Variants in SIPA1L3 observed in about 807,000 individuals in gnomAD.
SIPA1L3 encodes signal induced proliferation associated 1 like 3.
SIPA1L3 carries 59 observed loss-of-function variants against 150.1 expected under a neutral mutation model. The observed-to-expected ratio is 0.39, with a 90% CI of 0.32 to 0.49. SIPA1L3 has a LOEUF of 0.49. Among genes scored for constraint, SIPA1L3 ranks in the 20% least tolerant of loss-of-function variants. The pLI is 0.86. For synonymous variants in SIPA1L3, 1,070 were observed against 1,077.6 expected (o/e 0.99, Z 0.14); for missense variants, 2,211 against 2,489.5 (o/e 0.89, Z 2.38).
intron 8 of SIPA1L3, among the ~76,000 whole-genome samples, chr19:38,111,916 C>T (rs1970758152): frequency 6.6e-6 from 1 of 151,846 alleles, no homozygotes. Flanking sequence ...CACATGCATG[C>T]ACGCATCCGT....
Position 38,188,179 on chromosome 19 carries a change from T to G in SIPA1L3, c.4431-3966T>G, listed in dbSNP as rs530243390. On this transcript the variant is annotated intron_variant, in intron 16 of 21. Coordinates refer to ENST00000222345, the MANE Select transcript of SIPA1L3 (RefSeq NM_015073.3). ...TTTTAGATTAAACATGTTTTGTTGT[T>G]GTGGTGGTGGTGGTGGTGGTGGTGG... Among the ~76,000 whole-genome samples the G allele has an allele frequency of 1.7e-3, 259 of 151,296 alleles. 1 individual carries two copies. Among genetic ancestry groups the G allele is most frequent in the East Asian group, 0.017 (87 of 5,150 alleles).
chr19:37,926,298 G>A (rs1263509617), intron 1 of SIPA1L3, among the ~76,000 whole-genome samples: 5 of 152,152 alleles, frequency 3.3e-5, no homozygotes, highest in South Asian at 2.1e-4. Flanking sequence ...CCTACTTGTG[G>A]CCTCAAACCA....
At chr19:37,951,439 AG>A (rs2046762910) in intron 1 of SIPA1L3, among the ~76,000 whole-genome samples, 1 of 152,234 alleles carries the variant, frequency 6.6e-6, no homozygotes, top group Non-Finnish European at 1.5e-5. Flanking sequence ...TCATGTGCAC[AG>A]CTTTGAGTGT....
chr19:37,969,054 G>T (rs1303709582), intron 1 of SIPA1L3, among the ~76,000 whole-genome samples: 1 of 152,118 alleles, frequency 6.6e-6, no homozygotes, highest in Admixed American at 6.5e-5. Context: ...TCTCTAATAT[G>T]CTCCAGTGCT....
chr19:38,106,949 G>T (rs1970636423), intron 7 of SIPA1L3, among the ~76,000 whole-genome samples: 1 of 152,208 alleles, frequency 6.6e-6, no homozygotes, highest in Non-Finnish European at 1.5e-5. Flanking sequence ...TATTTTGACT[G>T]CAAGTAACAG....
chr19:38,029,305 A>G (rs1346988256), intron 2 of SIPA1L3, 149 bp downstream of exon 2: 2 of 152,196 alleles, frequency 1.3e-5, no homozygotes, highest in Non-Finnish European at 1.5e-5. Flanking sequence ...CGTCTACCCC[A>G]GAGGTAATTA....
At position 38,082,679 on chromosome 19, in the gene SIPA1L3, G is replaced by A; in HGVS notation, c.1114G>A (p.Ala372Thr). Reference sequence around the variant, plus strand: ...GCAGCGGCGGAACACCACCACGGGTGCTTCGGCCGCTTCCGCCGCCTCGGC... The same window carrying A: ...GCAGCGGCGGAACACCACCACGGGTACTTCGGCCGCTTCCGCCGCCTCGGC... ...VSQRRNTTTGASAASAASAMA... is the reference protein window; with the variant it reads ...VSQRRNTTTGTSAASAASAMA... Residue 372 changes from alanine (A) to threonine (T), a missense_variant, in exon 3 of 22, where the codon GCT (alanine) becomes ACT (threonine). Around this residue, in one of 5 missense-constraint regions of SIPA1L3, gnomAD observed 587 missense variants for 534.5 expected, o/e 1.10. Transcript: ENST00000222345. 1 of 1,608,660 alleles carries A rather than the reference G, an allele frequency of 6.2e-7. No homozygotes were observed. Among genetic ancestry groups the A allele is most frequent in the Non-Finnish European group, 8.5e-7 (1 of 1,179,012 alleles).
chr19:38,106,754 A>G, intron 7 of SIPA1L3, 114 bp downstream of exon 7: 1 of 701,268 alleles, frequency 1.4e-6, no homozygotes, highest in South Asian at 1.7e-5. Flanking sequence ...CTTGGAGGCC[A>G]TCTTTACTAT....
At chr19:38,008,370 G>A (rs902979219) in intron 1 of SIPA1L3, among the ~76,000 whole-genome samples, 3 of 151,784 alleles carry the variant, frequency 2.0e-5, no homozygotes, top group Non-Finnish European at 4.4e-5. Context: ...TGGGACTACA[G>A]GCACCTGCCA....
rs1972820608 is a variant in SIPA1L3 at position 38,192,227 on chromosome 19, A to G, written c.4513A>G (p.Asn1505Asp). The change falls in exon 17 of 22, where the codon AAC becomes GAC. Residue 1505 changes from asparagine to aspartate, a missense_variant. Physicochemically the swap from Asn to Asp is conservative, Grantham distance 23 (BLOSUM62 1). Around this residue, in one of 5 missense-constraint regions of SIPA1L3, gnomAD observed 806 missense variants for 870.1 expected, o/e 0.93. Coordinates refer to ENST00000222345, the MANE Select transcript of SIPA1L3 (RefSeq NM_015073.3). Reference protein sequence around the residue: ...SLRDLRSPRKNYKSTIEDDLK... With the variant: ...SLRDLRSPRKDYKSTIEDDLK... Reference sequence around the variant, plus strand: ...CCGAGACCTCCGGTCACCACGGAAGAACTACAAATCCACCATCGAGGATGA... The same window carrying G: ...CCGAGACCTCCGGTCACCACGGAAGGACTACAAATCCACCATCGAGGATGA... The G allele has an allele frequency of 6.2e-7, 1 of 1,613,678 alleles. No homozygotes were observed. The highest frequency in any genetic ancestry group is 2.2e-5 in the East Asian group (1 of 44,796).
chr19:38,000,476 CAAAA>C (rs931671031), intron 1 of SIPA1L3, among the ~76,000 whole-genome samples: 65 of 44,048 alleles, frequency 1.5e-3, no homozygotes, highest in African/African-American at 5.6e-3. Flanking sequence ...GACTCTGTCT[CAAAA>C]AAAAAAAAAA....
chr19:38,196,694 T>G (rs1332789529), intron 18 of SIPA1L3, among the ~76,000 whole-genome samples: 1 of 127,124 alleles, frequency 7.9e-6, no homozygotes, highest in African/African-American at 3.1e-5. Flanking sequence ...AGGTCAAGAG[T>G]GGAGCAAGGA....
chr19:37,962,463 C>CTTTTTTGTT (rs2046867682), intron 1 of SIPA1L3, among the ~76,000 whole-genome samples: 1 of 73,102 alleles, frequency 1.4e-5, no homozygotes, highest in African/African-American at 7.1e-5. Context: ...TGCAGCCGGC[C>CTTTTTTGTT]TTTTTTTTTT....
intron 1 of SIPA1L3, among the ~76,000 whole-genome samples, chr19:38,007,672 C>T (rs1157157290): frequency 6.6e-6 from 1 of 151,838 alleles, no homozygotes; most frequent in Non-Finnish European, 1.5e-5. Context: ...TTAGAGCACT[C>T]TTAACTGTCA....
rs543661827 is a variant in SIPA1L3, at chr19:38,130,354, C to T, written c.2869-144C>T. ...TGGGACCGGGTGCGTGTTCCCCCTG[C>T]GGGTCCCCTGCCATCACCCGGGAAG... On this transcript the variant is annotated intron_variant, in intron 9 of 21. Transcript: ENST00000222345. 26 of 803,110 alleles carry T rather than the reference C, an allele frequency of 3.2e-5. No individual in the cohort carries two copies. In the South Asian group the frequency reaches 3.6e-4, roughly 11 times the overall value. The allele number at this position is 803,110 out of a possible 1,614,324, so 49.7% of individuals were successfully genotyped here.
intron 4 of SIPA1L3, among the ~76,000 whole-genome samples, chr19:38,099,337 C>CTTTT (rs11434268): frequency 6.9e-6 from 1 of 145,570 alleles, no homozygotes; most frequent in African/African-American, 2.5e-5. Flanking sequence ...CACGCCTGGC[C>CTTTT]TTTTTTTTTT....
intron 1 of SIPA1L3, among the ~76,000 whole-genome samples, chr19:37,998,997 A>ACACACACACACC: frequency 6.6e-6 from 1 of 151,484 alleles, no homozygotes; most frequent in East Asian, 1.9e-4. Flanking sequence ...ACACACACAC[A>ACACACACACACC]CACACACACA....
At chr19:38,051,660 G>C (rs538828452) in intron 2 of SIPA1L3, among the ~76,000 whole-genome samples, 1 of 152,220 alleles carries the variant, frequency 6.6e-6, no homozygotes, top group South Asian at 2.1e-4. Flanking sequence ...GCAGTGGCTC[G>C]ATCTTAGCTC....
rs543658766 is a variant in SIPA1L3, at chr19:38,053,398, C to G, written c.-311+24242C>G. 7.2e-5 allele frequency among the ~76,000 whole-genome samples: 11 copies of G among 152,320 alleles called. No homozygotes were observed. The East Asian group carries it at 2.1e-3, about 29-fold the overall frequency. ...ACTGTTAACCCCAGAGAGTTAAGTA[C>G]CTTGGCCAAGGCCACACATCTAGGG... On this transcript the variant is annotated intron_variant, in intron 2 of 21. Transcript: ENST00000222345.
Sources: allele counts gnomAD v4.1 joint callset (sites outside exome capture counted in the v4.1 genomes callset), GRCh38; gene constraint gnomAD v4.1.1; regional missense constraint gnomAD v4.1.1; transcripts MANE v1.5; gene names NCBI Gene and HGNC (gene_info 2026-07-23, HGNC 2026-07-21).